Variants in EPC1 observed in about 807,000 individuals in gnomAD.
EPC1 encodes enhancer of polycomb homolog 1.
EPC1 carries 12 observed loss-of-function variants against 98.4 expected under a neutral mutation model. The observed-to-expected ratio is 0.12, with a 90% confidence interval of 0.08 to 0.20. The LOEUF (loss-of-function observed/expected upper bound fraction) is 0.20, where lower values mean the gene tolerates loss of function less well. Among genes scored for constraint, EPC1 ranks in the 10% least tolerant of loss-of-function variants. The probability of loss-of-function intolerance (pLI) is 1.00; values close to 1 mark genes in which losing one functional copy is unlikely to be tolerated. For missense variants in EPC1, 729 were observed against 990.5 expected (o/e 0.74, Z 3.54); for synonymous variants, 357 against 363.9 (o/e 0.98, Z 0.21).
At chr10:32,378,306 G>A (rs1309728576) in intron 1 of EPC1, among the ~76,000 whole-genome samples, 3 of 150,184 alleles carry the variant, frequency 2.0e-5, no homozygotes, top group African/African-American at 2.5e-5. Context: ...CTTTAACAAT[G>A]AAAAAAAAAA....
intron 10 of EPC1, among the ~76,000 whole-genome samples, chr10:32,275,217 C>T (rs534160642): frequency 2.4e-4 from 37 of 152,206 alleles, no homozygotes; most frequent in Non-Finnish European, 5.0e-4. Context: ...AATTAGAAAT[C>T]AATGTGAATA....
chr10:32,362,868 C>A (rs544182997), intron 1 of EPC1, among the ~76,000 whole-genome samples: 2 of 152,204 alleles, frequency 1.3e-5, no homozygotes, highest in Non-Finnish European at 2.9e-5. Context: ...TGAAGCAGTA[C>A]CCTTAAGGCA....
Position 32,346,919 on chromosome 10 carries a change from A to T in EPC1, c.-4T>A. ...CCCGAAACGACAGTTTACTCATCTC[A>T]GGCGCAGCAGATACCTCTCCGCTCT... is the stretch of plus-strand genomic sequence containing the variant. On this transcript the variant is annotated 5_prime_UTR_variant, in exon 1 of 14. It removes the in-frame stop codon of an upstream open reading frame in the 5' UTR. Transcript: ENST00000319778. 6.2e-7 allele frequency: 1 copy of T among 1,613,108 alleles called. No individual in the cohort carries two copies. The highest frequency in any genetic ancestry group is 1.1e-5 in the South Asian group (1 of 91,070).
chr10:32,297,653 G>A, intron 2 of EPC1, among the ~76,000 whole-genome samples: 1 of 151,984 alleles, frequency 6.6e-6, no homozygotes, highest in Non-Finnish European at 1.5e-5. Flanking sequence ...ATTCTGATAG[G>A]AATAAACCCA....
intron 1 of EPC1, among the ~76,000 whole-genome samples, chr10:32,366,783 CACAG>C (rs377521342): frequency 1.9e-4 from 29 of 152,270 alleles, no homozygotes; most frequent in African/African-American, 7.0e-4. Flanking sequence ...CATGAAGGAA[CACAG>C]ACAGAGAGGT....
At chr10:32,279,119 G>A (rs756637482) in intron 10 of EPC1, among the ~76,000 whole-genome samples, 3 of 152,116 alleles carry the variant, frequency 2.0e-5, no homozygotes, top group Non-Finnish European at 4.4e-5. Context: ...GGGAGGCTGA[G>A]GCAGGCGGAT....
intron 1 of EPC1, among the ~76,000 whole-genome samples, chr10:32,372,248 A>G (rs1316130997): frequency 1.3e-5 from 2 of 152,164 alleles, no homozygotes; most frequent in Non-Finnish European, 2.9e-5. Context: ...GTGTTTCAAT[A>G]AGCCCTCCAG....
intron 1 of EPC1, among the ~76,000 whole-genome samples, chr10:32,321,615 A>C (rs1475435): frequency 0.45 from 68,244 of 151,576 alleles, 18,601 homozygotes; most frequent in East Asian, 0.72. Flanking sequence ...AGTGAAAATG[A>C]CTGAGAGAAG....
Position 32,304,867 on chromosome 10 carries a change from C to T in EPC1, c.313+905G>A, listed in dbSNP as rs28490100. ...CCAGGAGGTGGAGGTTGTGGTAAGC[C>T]GAGATCGCGCCATTGCACTCTAGCC... On this transcript the variant is annotated intron_variant, in intron 2 of 13. Coordinates refer to ENST00000319778, the MANE Select transcript of EPC1 (RefSeq NM_001272004.3). Among the ~76,000 whole-genome samples the T allele has an allele frequency of 7.7e-3, 1,150 of 148,984 alleles. 12 individuals carry two copies. Among genetic ancestry groups the T allele is most frequent in the South Asian group, 0.013 (64 of 4,744 alleles).
At chr10:32,346,651 G>A in intron 1 of EPC1, 112 bp downstream of exon 1, 2 of 1,058,740 alleles carry the variant, frequency 1.9e-6, no homozygotes, top group Non-Finnish European at 2.8e-6. Context: ...CTGAGAGTCG[G>A]CGGCGAAGAG....
intron 1 of EPC1, among the ~76,000 whole-genome samples, chr10:32,335,600 C>A (rs1386619193): frequency 6.6e-6 from 1 of 152,132 alleles, no homozygotes; most frequent in African/African-American, 2.4e-5. Flanking sequence ...TTCAAAAAAA[C>A]ACAACCACTC....
In EPC1 at chr10:32,272,174, A is replaced by C; in HGVS notation, c.1864-7T>G. ...AAGTCTTAGAAACAAAACCCTAAAA[A>C]GAAAATACAAAAGAAATCTAATCAG... On this transcript the variant is annotated splice_region_variant and splice_polypyrimidine_tract_variant and intron_variant, in intron 11 of 13. Coordinates refer to ENST00000319778, the MANE Select transcript of EPC1 (RefSeq NM_001272004.3). 1 of 1,599,838 alleles carries C rather than the reference A, an allele frequency of 6.3e-7. No homozygotes were observed. The highest frequency in any genetic ancestry group is 8.5e-7 in the Non-Finnish European group (1 of 1,175,550).
intron 1 of EPC1, among the ~76,000 whole-genome samples, chr10:32,356,629 A>G (rs1324902718): frequency 6.6e-6 from 1 of 152,220 alleles, no homozygotes; most frequent in Non-Finnish European, 1.5e-5. Context: ...GGAGGAAAAT[A>G]GACTCTGTGA....
In EPC1 at chr10:32,346,769, C is replaced by T. The variant is rs747382820; in HGVS notation, c.147G>A (p.Glu49=). 3.1e-6 allele frequency: 5 copies of T among 1,614,098 alleles called. No homozygotes were observed. The highest frequency in any genetic ancestry group is 3.4e-6 in the Non-Finnish European group (4 of 1,179,964). Reference sequence around the variant, plus strand: ...CAGGGGAGTTAACACGTACCGACTCCTCTTCCTTCTCCATTCCGGTGGGCA... The same window carrying T: ...CAGGGGAGTTAACACGTACCGACTCTTCTTCCTTCTCCATTCCGGTGGGCA... ...PQMPTGMEKE[E]ESEHHLQRAI... Residue 49 remains glutamate (E), a synonymous_variant, in exon 1 of 14, where the codon GAG becomes GAA. Coordinates refer to ENST00000319778, the MANE Select transcript of EPC1 (RefSeq NM_001272004.3).
intron 1 of EPC1, among the ~76,000 whole-genome samples, chr10:32,333,294 C>T (rs903684875): frequency 8.5e-5 from 13 of 152,238 alleles, no homozygotes; most frequent in Admixed American, 7.2e-4. Flanking sequence ...GAGCCGAGAT[C>T]GTGCCACAGC....
intron 2 of EPC1, among the ~76,000 whole-genome samples, chr10:32,302,023 C>T (rs909231631): frequency 6.6e-6 from 1 of 152,182 alleles, no homozygotes; most frequent in Non-Finnish European, 1.5e-5. Flanking sequence ...CCTGTAATCC[C>T]AGCACTTTGG....
intron 1 of EPC1, among the ~76,000 whole-genome samples, chr10:32,357,951 T>C (rs1839328727): frequency 6.6e-6 from 1 of 150,900 alleles, no homozygotes; most frequent in Non-Finnish European, 1.5e-5. Flanking sequence ...ACCTCCCGGA[T>C]TCATGAGATT....
At chr10:32,351,911 T>C (rs1449025723), upstream of EPC1, among the ~76,000 whole-genome samples, 3 of 150,848 alleles carry the variant, frequency 2.0e-5, no homozygotes, top group Non-Finnish European at 4.4e-5. Context: ...TTGTATTTTT[T>C]TTAGTAAGGA....
chr10:32,335,482 A>T (rs1837899876), intron 1 of EPC1, among the ~76,000 whole-genome samples: 1 of 51,280 alleles, frequency 2.0e-5, no homozygotes, highest in African/African-American at 4.1e-5. Context: ...CGCCCTTTCA[A>T]GCAGAAGCTG....
Sources: allele counts gnomAD v4.1 joint callset (sites outside exome capture counted in the v4.1 genomes callset), GRCh38; gene constraint gnomAD v4.1.1; transcripts MANE v1.5; gene names NCBI Gene and HGNC (gene_info 2026-07-23, HGNC 2026-07-21).